The following RICTOR variants were observed in gnomAD, a reference collection of about 807,000 sequenced individuals.
The protein encoded by RICTOR is rapamycin-insensitive companion of mTOR.
A neutral mutation model predicts 214.9 loss-of-function variants in RICTOR; 49 were observed. That is an observed-to-expected ratio of 0.23 (90% CI 0.18 to 0.29). RICTOR has a LOEUF of 0.29. Ranked by LOEUF, RICTOR falls within the 10% of genes least tolerant of loss-of-function variation. The pLI is 1.00. For missense variants in RICTOR, 1,625 were observed against 2,047.0 expected, an observed-to-expected ratio of 0.79 and a Z score of 3.98; for synonymous variants, 717 against 711.3, an observed-to-expected ratio of 1.01 and a Z score of -0.13.
intron 2 of RICTOR, among the ~76,000 whole-genome samples, chr5:39,046,376 TAA>T (rs529193857): frequency 3.9e-5 from 5 of 127,126 alleles, no homozygotes; most frequent in East Asian, 4.4e-4. Flanking sequence ...AAAACAAAAT[TAA>T]AAAAAAAAAA....
chr5:38,958,633 T>A lies in RICTOR; in HGVS notation c.2343+34A>T, dbSNP rs534761261. 2.8e-5 allele frequency: 43 copies of A among 1,537,190 alleles called. 2 individuals are homozygous for A. In the Middle Eastern group the frequency reaches 5.6e-4, roughly 20 times the overall value. On this transcript the variant is annotated intron_variant, in intron 23 of 37. Coordinates refer to ENST00000357387, the MANE Select transcript of RICTOR (RefSeq NM_152756.5). ...TTGTCAAATGAGTATTTCAAAAAAATTTAAGTATTAAATTATAAAAAATGA... is the reference window on the plus strand; with the variant it reads ...TTGTCAAATGAGTATTTCAAAAAAAATTAAGTATTAAATTATAAAAAATGA...
chr5:39,007,971 T>C (rs1052619521), intron 3 of RICTOR, among the ~76,000 whole-genome samples: 1 of 151,440 alleles, frequency 6.6e-6, no homozygotes, highest in Non-Finnish European at 1.5e-5. Flanking sequence ...GATTTATGTA[T>C]TTTAAATTAT....
At position 38,950,495 on chromosome 5, in the gene RICTOR, C is replaced by T. The variant is rs975521152; in HGVS notation, c.3353G>A (p.Gly1118Glu). Residue 1118 changes from glycine (G) to glutamate (E), a missense_variant, in exon 31 of 38, where the codon GGG (glycine) becomes GAG (glutamate). By Grantham distance (98) the Gly-to-Glu change is moderately conservative (BLOSUM62 -2). This residue lies in a region of RICTOR where 1,214 missense variants were observed against 1,470.5 expected (regional missense o/e 0.83). Transcript: ENST00000357387. ...TGTCTTACTTTCAGATGATAATTTC[C>T]CTCCTTTTGGATCACTGCTACTACG... ...KHRSSSDPKGGKLSSESKTSN... is the reference protein window; with the variant it reads ...KHRSSSDPKGEKLSSESKTSN... 48 of 1,613,414 alleles carry T rather than the reference C, an allele frequency of 3.0e-5. No homozygotes were observed. The highest frequency in any genetic ancestry group is 3.9e-5 in the Non-Finnish European group (46 of 1,179,604).
chr5:39,008,808 T>G lies in RICTOR; in HGVS notation c.196-5186A>C, dbSNP rs560499279. 3.1e-4 allele frequency among the ~76,000 whole-genome samples: 47 copies of G among 152,028 alleles called. 3 individuals carry two copies. The highest frequency in any genetic ancestry group is 1.1e-3 in the African/African-American group (46 of 41,522). ...AATAATTTATTATTTTAAAGATTTC[T>G]CACATATTTCAGAATACTAGCATTA... On this transcript the variant is annotated intron_variant, in intron 3 of 37. Transcript: ENST00000357387.
intron 3 of RICTOR, among the ~76,000 whole-genome samples, chr5:39,015,532 TG>T (rs1297333861): frequency 1.3e-5 from 2 of 151,966 alleles, no homozygotes; most frequent in Non-Finnish European, 2.9e-5. Flanking sequence ...ACAACTGGTT[TG>T]GGGTGGGGGT....
At chr5:38,984,015 G>A (rs1235964131) in intron 7 of RICTOR, among the ~76,000 whole-genome samples, 1 of 150,866 alleles carries the variant, frequency 6.6e-6, no homozygotes, top group African/African-American at 2.4e-5. Context: ...TCTTTTTAAT[G>A]CTCTAAATCA....
Position 38,952,967 on chromosome 5 carries a change from C to T in RICTOR, c.2897+18G>A, listed in dbSNP as rs1384430508. On this transcript the variant is annotated intron_variant, in intron 29 of 37. Coordinates refer to ENST00000357387, the MANE Select transcript of RICTOR (RefSeq NM_152756.5). Reference sequence around the variant, plus strand: ...AACAACGTCTACATTAGAAAGATTTCTGAGTTAAATGACCTACCCTCTGAT... The same window carrying T: ...AACAACGTCTACATTAGAAAGATTTTTGAGTTAAATGACCTACCCTCTGAT... 1 of 1,449,362 alleles carries T rather than the reference C, an allele frequency of 6.9e-7. No homozygotes were observed. The highest frequency in any genetic ancestry group is 9.6e-7 in the Non-Finnish European group (1 of 1,036,886). The allele number at this position is 1,449,362 out of a possible 1,614,324, so 89.8% of individuals were successfully genotyped here.
At chr5:38,953,638 G>A (rs1246808579) in intron 27 of RICTOR, 85 bp from the exon 28 acceptor site, 5 of 441,768 alleles carry the variant, frequency 1.1e-5, no homozygotes, top group African/African-American at 4.2e-5. Context: ...CCAGTATAAC[G>A]TTTGTTTTTT....
chr5:38,952,955 T>A (rs1444838469), intron 29 of RICTOR, 30 bp downstream of exon 29: 7 of 1,333,690 alleles, frequency 5.2e-6, no homozygotes, highest in Admixed American at 3.5e-5. Flanking sequence ...AACGTCTACA[T>A]TAGAAAGATT....
chr5:39,034,087 G>C lies in RICTOR; in HGVS notation c.98-12951C>G, dbSNP rs77288499. Reference sequence around the variant, plus strand: ...GAAGAAAAAAAAGTCCTTGCTGACAGTTTATCATTCTGTACCTTTGGATAA... The same window carrying C: ...GAAGAAAAAAAAGTCCTTGCTGACACTTTATCATTCTGTACCTTTGGATAA... On this transcript the variant is annotated intron_variant, in intron 2 of 37. Coordinates refer to ENST00000357387, the MANE Select transcript of RICTOR (RefSeq NM_152756.5). 8.9e-4 allele frequency among the ~76,000 whole-genome samples: 136 copies of C among 152,312 alleles called. 1 individual carries two copies. The East Asian group carries it at 0.025, about 28-fold the overall frequency.
chr5:39,000,247 A>T (rs1403342186), intron 5 of RICTOR, among the ~76,000 whole-genome samples: 1 of 152,008 alleles, frequency 6.6e-6, no homozygotes, highest in Non-Finnish European at 1.5e-5. Flanking sequence ...ACAAAAAAAA[A>T]TACATATCTT....
chr5:38,963,562 C>G (rs1185882636), intron 16 of RICTOR, among the ~76,000 whole-genome samples: 5 of 151,880 alleles, frequency 3.3e-5, no homozygotes, highest in Non-Finnish European at 5.9e-5. Flanking sequence ...GTGGTAAATA[C>G]AAGTGCCACT....
chr5:38,960,070 AATG>A, intron 20 of RICTOR, 92 bp from the exon 21 acceptor site: 1 of 886,540 alleles, frequency 1.1e-6, no homozygotes, highest in Non-Finnish European at 1.9e-6. Flanking sequence ...ACTTACTAAT[AATG>A]ATGAAGTTAC....
intron 5 of RICTOR, among the ~76,000 whole-genome samples, chr5:38,999,037 A>AC (rs1157644664): frequency 2.7e-5 from 4 of 147,908 alleles, no homozygotes; most frequent in Non-Finnish European, 6.0e-5. Flanking sequence ...CAAAAAAAAA[A>AC]AAAAAAAAAA....
At chr5:39,038,772 C>T (rs1246164953) in intron 2 of RICTOR, among the ~76,000 whole-genome samples, 1 of 147,048 alleles carries the variant, frequency 6.8e-6, no homozygotes, top group Non-Finnish European at 1.5e-5. Context: ...ATGTGAAGGA[C>T]CTCTTCAAGG....
At chr5:38,944,083 GCATT>G (rs1747905860) in intron 36 of RICTOR, 1 of 366,596 alleles carries the variant, frequency 2.7e-6, no homozygotes, top group Non-Finnish European at 5.3e-6. Context: ...TTCCTAACAT[GCATT>G]AATTTATTTT....
intron 27 of RICTOR, among the ~76,000 whole-genome samples, chr5:38,954,316 A>G (rs1016928660): frequency 6.6e-6 from 1 of 151,978 alleles, no homozygotes; most frequent in Non-Finnish European, 1.5e-5. Flanking sequence ...GCTTGTTAAC[A>G]TTCCATGAAG....
chr5:39,020,309 T>G (rs1383939455), intron 3 of RICTOR, among the ~76,000 whole-genome samples: 3 of 152,208 alleles, frequency 2.0e-5, no homozygotes, highest in African/African-American at 7.2e-5. Context: ...CAGCACTGCA[T>G]GCTACGGAGA....
intron 2 of RICTOR, among the ~76,000 whole-genome samples, chr5:39,037,055 A>G (rs1266943905): frequency 6.6e-6 from 1 of 152,200 alleles, no homozygotes; most frequent in Non-Finnish European, 1.5e-5. Flanking sequence ...AAAACTGACC[A>G]TATAGTTGGA....
Sources: allele counts gnomAD v4.1 joint callset (sites outside exome capture counted in the v4.1 genomes callset), GRCh38; gene constraint gnomAD v4.1.1; regional missense constraint gnomAD v4.1.1; transcripts MANE v1.5; gene names NCBI Gene and HGNC (gene_info 2026-07-23, HGNC 2026-07-21).